The following TTL variants were observed in gnomAD, a reference collection of about 807,000 sequenced individuals.
The protein encoded by TTL is tubulin tyrosine ligase, also known as tubulin--tyrosine ligase.
Under a neutral mutation model 41.1 loss-of-function variants are expected in TTL, and 10 were observed. That is an observed-to-expected ratio of 0.24 (90% CI 0.15 to 0.41). The LOEUF (loss-of-function observed/expected upper bound fraction) is 0.41, where lower values mean the gene tolerates loss of function less well. Among genes scored for constraint, TTL ranks in the 10% least tolerant of loss-of-function variants. TTL has a pLI of 1.00. For synonymous variants in TTL, 175 were observed against 175.5 expected, an observed-to-expected ratio of 1.00 and a Z score of 0.02; for missense variants, 367 against 460.4, an observed-to-expected ratio of 0.80 and a Z score of 1.86.
At chr2:112,490,311 G>C (rs973714189) in intron 2 of TTL, among the ~76,000 whole-genome samples, 3 of 152,164 alleles carry the variant, frequency 2.0e-5, no homozygotes, top group Non-Finnish European at 4.4e-5. Context: ...CCAGCTACTT[G>C]GGAGGCTGAG....
Position 112,482,239 on chromosome 2 carries a change from G to A in TTL, c.-106G>A, listed in dbSNP as rs1352024960. ...CGCGGTAGCCGGCGCGGGCGGCGGG[G>A]GCCGGGCCGCGGCGGGCGCCCGGGC... is the stretch of plus-strand genomic sequence containing the variant. On this transcript the variant is annotated 5_prime_UTR_variant, in exon 1 of 7. Transcript: ENST00000233336. This position sits in a 1 kb window ranked among gnomAD's most constrained non-coding sequence, Gnocchi z 5.3. 3.1e-5 allele frequency: 27 copies of A among 860,398 alleles called. No individual in the cohort carries two copies. The highest frequency in any genetic ancestry group is 3.8e-5 in the Non-Finnish European group (27 of 719,092). The allele number at this position is 860,398 out of a possible 1,614,324, so 53.3% of individuals were successfully genotyped here.
chr2:112,524,770 G>T (rs562764524), intron 6 of TTL, among the ~76,000 whole-genome samples: 2 of 152,174 alleles, frequency 1.3e-5, no homozygotes, highest in South Asian at 4.1e-4. Context: ...AGTTTCTTTT[G>T]CTGTGCAGAA....
At chr2:112,512,747 T>C (rs558478667) in intron 5 of TTL, among the ~76,000 whole-genome samples, 5 of 152,344 alleles carry the variant, frequency 3.3e-5, no homozygotes, top group Admixed American at 2.6e-4. Context: ...TTAATTGGTG[T>C]GTTTATACCA....
intron 1 of TTL, among the ~76,000 whole-genome samples, chr2:112,485,624 G>A (rs1207320108): frequency 6.6e-6 from 1 of 152,122 alleles, no homozygotes; most frequent in African/African-American, 2.4e-5. Context: ...GAGGTGAAAT[G>A]AAAAAATACC....
rs978637024 is a variant in TTL at position 112,513,724 on chromosome 2, T to C, written c.876-6558T>C. 2.1e-4 allele frequency among the ~76,000 whole-genome samples: 32 copies of C among 151,858 alleles called. 1 individual carries two copies. The highest frequency in any genetic ancestry group is 6.6e-4 in the Admixed American group (10 of 15,240). On this transcript the variant is annotated intron_variant, in intron 5 of 6. Coordinates refer to ENST00000233336, the MANE Select transcript of TTL (RefSeq NM_153712.5). ...AAGCTATATAGAAGATGCATACAAA[T>C]TTATTTCACTTACATAAGTTAAACA...
At chr2:112,510,975 T>C (rs750965729) in intron 5 of TTL, among the ~76,000 whole-genome samples, 8 of 152,082 alleles carry the variant, frequency 5.3e-5, no homozygotes, top group Non-Finnish European at 1.2e-4. Flanking sequence ...CTATGTGCAC[T>C]AACAGAATGT....
Position 112,530,264 on chromosome 2 carries a change from AG to A in TTL, c.*1471del. On this transcript the variant is annotated 3_prime_UTR_variant, in exon 7 of 7. Transcript: ENST00000233336. ...GAGATGTGAGAACTTACAATGAAAA[AG>A]GCAATAATGATAGAAATTATTTCTT... is the stretch of plus-strand genomic sequence containing the variant. The A allele has an allele frequency of 4.3e-6, 1 of 230,780 alleles. No homozygotes were observed. 14.3% of individuals were successfully genotyped at this position (230,780 alleles called of 1,614,324 possible).
chr2:112,519,960 G>C (rs1682175048), intron 5 of TTL, among the ~76,000 whole-genome samples: 1 of 151,896 alleles, frequency 6.6e-6, no homozygotes, highest in Admixed American at 6.6e-5. Flanking sequence ...GAGAAACCCT[G>C]TTTCTACTGA....
At chr2:112,513,270 C>G (rs887223306) in intron 5 of TTL, among the ~76,000 whole-genome samples, 6 of 152,180 alleles carry the variant, frequency 3.9e-5, no homozygotes, top group African/African-American at 1.4e-4. Flanking sequence ...AAGAAATCCA[C>G]TTTATAAAAG....
chr2:112,521,146 C>T, intron 6 of TTL: 1 of 984,412 alleles, frequency 1.0e-6, no homozygotes, highest in Non-Finnish European at 1.2e-6. Flanking sequence ...TTCCGCTGCA[C>T]CAAAGGTTGG....
chr2:112,539,693 A>G lies in TTL; in HGVS notation c.*10898A>G, dbSNP rs1682674414. The G allele has an allele frequency of 6.6e-6, 1 of 152,224 alleles. No individual in the cohort carries two copies. The highest frequency in any genetic ancestry group is 6.5e-5 in the Admixed American group (1 of 15,280). The allele number at this position is 152,224 out of a possible 1,614,324, so 9.4% of individuals were successfully genotyped here. ...TAGACAGAGCAATTCGACAAAAGGAAGGAAAGAAGACTGCGCATTCAGATT... is the reference window on the plus strand; with the variant it reads ...TAGACAGAGCAATTCGACAAAAGGAGGGAAAGAAGACTGCGCATTCAGATT... On this transcript the variant is annotated 3_prime_UTR_variant, in exon 7 of 7. Transcript: ENST00000233336.
rs555927524 is a variant in TTL, at chr2:112,496,554, A to G, written c.469+2179A>G. On this transcript the variant is annotated intron_variant, in intron 3 of 6. Transcript: ENST00000233336. ...CATCTATAACAGAAAATTATTGTTTAGAAACAACCCCATTATTCCACTATT... is the reference window on the plus strand; with the variant it reads ...CATCTATAACAGAAAATTATTGTTTGGAAACAACCCCATTATTCCACTATT... Among the ~76,000 whole-genome samples the G allele has an allele frequency of 4.6e-5, 7 of 152,206 alleles. No homozygotes were observed. In the East Asian group the frequency reaches 1.4e-3, roughly 29 times the overall value.
chr2:112,484,181 T>TA (rs1559008561), intron 1 of TTL, among the ~76,000 whole-genome samples: 1 of 151,436 alleles, frequency 6.6e-6, no homozygotes, highest in African/African-American at 2.4e-5. Context: ...CCTGAACAGA[T>TA]ACCACAAATT....
intron 5 of TTL, among the ~76,000 whole-genome samples, chr2:112,517,156 CAAAAAAAAA>C (rs33990458): frequency 7.6e-5 from 8 of 105,600 alleles, no homozygotes; most frequent in East Asian, 2.4e-4. Context: ...GAGCTTTCAG[CAAAAAAAAA>C]AAAAAAAAAA....
At position 112,536,198 on chromosome 2, in the gene TTL, G is replaced by A. The variant is rs1445004551; in HGVS notation, c.*7403G>A. 1 of 152,072 alleles carries A rather than the reference G, an allele frequency of 6.6e-6. No individual in the cohort carries two copies. The highest frequency in any genetic ancestry group is 1.5e-5 in the Non-Finnish European group (1 of 68,068). 9.4% of individuals were successfully genotyped at this position (152,072 alleles called of 1,614,324 possible). A position where few individuals can be genotyped will look rare whatever the true frequency, so the allele number is the denominator to read the frequency against. On this transcript the variant is annotated 3_prime_UTR_variant, in exon 7 of 7. Coordinates refer to ENST00000233336, the MANE Select transcript of TTL (RefSeq NM_153712.5). ...TCCAAATCTTGGCTATTGCAAACAA[G>A]GCTGCAGTAAACATGGGAGTGCAGA...
chr2:112,482,380 C>G lies in TTL; in HGVS notation c.36C>G (p.Ser12Arg). ...YTFVVRDENS[S>R]VYAEVSRLLL... ...TCGTGGTACGCGATGAGAACAGCAG[C>G]GTCTACGCCGAGGTCTCCCGGCTGC... The change falls in exon 1 of 7, where the codon AGC becomes AGG. Residue 12 changes from serine to arginine, a missense_variant. Coordinates refer to ENST00000233336, the MANE Select transcript of TTL (RefSeq NM_153712.5). This position sits in a 1 kb window ranked among gnomAD's most constrained non-coding sequence, Gnocchi z 5.3. 3 of 1,586,352 alleles carry G rather than the reference C, an allele frequency of 1.9e-6. No homozygotes were observed. Among genetic ancestry groups the G allele is most frequent in the Non-Finnish European group, 2.6e-6 (3 of 1,167,332 alleles).
chr2:112,528,177 G>A, intron 6 of TTL, among the ~76,000 whole-genome samples: 1 of 152,206 alleles, frequency 6.6e-6, no homozygotes, highest in Admixed American at 6.5e-5. Context: ...TCTGCCGAGA[G>A]ATCCGCTATT....
intron 2 of TTL, among the ~76,000 whole-genome samples, chr2:112,489,590 A>G (rs1193339656): frequency 4.6e-5 from 7 of 152,248 alleles, no homozygotes; most frequent in South Asian, 2.1e-4. Context: ...AAATTTACCA[A>G]TGTCAACAAA....
chr2:112,501,568 T>TA (rs1681698452), intron 4 of TTL, among the ~76,000 whole-genome samples: 1 of 152,068 alleles, frequency 6.6e-6, no homozygotes, highest in Non-Finnish European at 1.5e-5. Context: ...TTTTCTTTTT[T>TA]AAAAAATATT....
Sources: allele counts gnomAD v4.1 joint callset (sites outside exome capture counted in the v4.1 genomes callset), GRCh38; gene constraint gnomAD v4.1.1; non-coding constraint Gnocchi (gnomAD v3.1); transcripts MANE v1.5; gene names NCBI Gene and HGNC (gene_info 2026-07-23, HGNC 2026-07-21).